NSD2: variants seen among roughly 807,000 people sequenced by gnomAD.
NSD2 encodes nuclear receptor binding SET domain protein 2, also known as histone-lysine N-methyltransferase NSD2.
NSD2 carries 12 observed loss-of-function variants against 139.0 expected under a neutral mutation model. The observed-to-expected ratio is 0.09, with a 90% CI of 0.06 to 0.14. The LOEUF is 0.14. Ranked by LOEUF, NSD2 falls within the 10% of genes least tolerant of loss-of-function variation. The probability of loss-of-function intolerance (pLI) is 1.00; values close to 1 mark genes in which losing one functional copy is unlikely to be tolerated. For missense variants in NSD2, 1,155 were observed against 1,745.0 expected (o/e 0.66, Z 6.02); for synonymous variants, 669 against 648.7 (o/e 1.03, Z -0.48).
chr4:1,908,012 C>T (rs576541366), intron 3 of NSD2, among the ~76,000 whole-genome samples: 3 of 152,180 alleles, frequency 2.0e-5, no homozygotes, highest in African/African-American at 4.8e-5. Context: ...AGCCGCATTT[C>T]GGGAAACATC....
Position 1,955,484 on chromosome 4 carries a change from A to G in NSD2, c.2518+144A>G. On this transcript the variant is annotated intron_variant, in intron 13 of 21. Transcript: ENST00000508803. This position sits in a 1 kb window ranked among gnomAD's most constrained non-coding sequence, Gnocchi z 4.7. Reference sequence around the variant, plus strand: ...CTTCACGTTAATAGTATATCACAGTAGCTCTAAATTAATTGTAATCATTTC... The same window carrying G: ...CTTCACGTTAATAGTATATCACAGTGGCTCTAAATTAATTGTAATCATTTC... 8.0e-7 allele frequency: 1 copy of G among 1,245,396 alleles called. No individual in the cohort carries two copies. Among genetic ancestry groups the G allele is most frequent in the South Asian group, 1.6e-5 (1 of 62,862 alleles). 77.1% of individuals were successfully genotyped at this position (1,245,396 alleles called of 1,614,324 possible).
chr4:1,898,682 A>G (rs1017957872), intron 1 of NSD2, among the ~76,000 whole-genome samples: 5 of 145,692 alleles, frequency 3.4e-5, no homozygotes, highest in African/African-American at 1.2e-4. Flanking sequence ...CAAAAAACAA[A>G]AAACACACTT....
chr4:1,965,569 C>A (rs1725800402), intron 18 of NSD2, among the ~76,000 whole-genome samples: 1 of 152,180 alleles, frequency 6.6e-6, no homozygotes. Context: ...GAAAAAGAAT[C>A]TTGAAAACCG....
rs886059325 is a variant in NSD2, at chr4:1,980,272, C to CT, written c.*1370dup. On this transcript the variant is annotated 3_prime_UTR_variant, in exon 22 of 22. Transcript: ENST00000508803. ...ACTACATATGTTTTAAGACTTGGTT[C>CT]TTTTTTTGAGGGATCCTTGACCCTG... 18 of 233,092 alleles carry CT rather than the reference C, an allele frequency of 7.7e-5. No homozygotes were observed. Among genetic ancestry groups the CT allele is most frequent in the South Asian group, 1.8e-4 (1 of 5,530 alleles). The allele number at this position is 233,092 out of a possible 1,614,324, so 14.4% of individuals were successfully genotyped here.
Position 1,976,620 on chromosome 4 carries a change from G to A in NSD2, c.3767G>A (p.Arg1256His), listed in dbSNP as rs901340615. 4.4e-6 allele frequency: 7 copies of A among 1,607,150 alleles called. No homozygotes were observed. The highest frequency in any genetic ancestry group is 1.7e-5 in the Admixed American group (1 of 58,876). Reference protein sequence around the residue: ...GDGGQLVLCDRKFCTKAYHLS... With the variant: ...GDGGQLVLCDHKFCTKAYHLS... ...GGCGGGCAGCTGGTGCTGTGTGACCGCAAGTTCTGCACCAAGGCCTACCAC... is the reference window on the plus strand; with the variant it reads ...GGCGGGCAGCTGGTGCTGTGTGACCACAAGTTCTGCACCAAGGCCTACCAC... Residue 1256 changes from arginine to histidine, a missense_variant, in exon 21 of 22, where the codon CGC (arginine) becomes CAC (histidine). Around this residue, in one of 8 missense-constraint regions of NSD2, gnomAD observed 25 missense variants for 75.1 expected, o/e 0.33. Transcript: ENST00000508803. The surrounding 1 kb of genome is among the most constrained non-coding windows in gnomAD (Gnocchi z 5.3).
At chr4:1,938,953 A>G (rs1272542100) in intron 8 of NSD2, among the ~76,000 whole-genome samples, 3 of 152,230 alleles carry the variant, frequency 2.0e-5, no homozygotes, top group Non-Finnish European at 2.9e-5. Flanking sequence ...TTCACATGCT[A>G]AAGAAACTAG....
At chr4:1,938,388 C>CTTTTTTTTTTTTTTTTTTTTTT in intron 7 of NSD2, 63 bp from the exon 8 acceptor site, 1 of 1,129,866 alleles carries the variant, frequency 8.9e-7, no homozygotes. Context: ...TTTTTTTTTC[C>CTTTTTTTTTTTTTTTTTTTTTT]TTTTTTTCTT....
intron 2 of NSD2, among the ~76,000 whole-genome samples, chr4:1,903,825 C>T (rs1434121559): frequency 2.6e-5 from 4 of 151,486 alleles, no homozygotes; most frequent in Admixed American, 1.3e-4. Flanking sequence ...AGCTCCGCCT[C>T]CCGGGTTCAC....
intron 9 of NSD2, chr4:1,945,179 G>A: frequency 9.4e-7 from 1 of 1,067,064 alleles, no homozygotes; most frequent in Non-Finnish European, 1.1e-6. Context: ...TCACACAGAA[G>A]CCTAGGTAGA....
intron 3 of NSD2, among the ~76,000 whole-genome samples, chr4:1,908,635 T>C (rs1364204471): frequency 6.6e-6 from 1 of 151,944 alleles, no homozygotes; most frequent in Non-Finnish European, 1.5e-5. Context: ...TCAGACCACA[T>C]CAGGAGGAGC....
At position 1,972,089 on chromosome 4, in the gene NSD2, T is replaced by C. The variant is rs1726548030; in HGVS notation, c.3373-2774T>C. ...GAGGCAAACAGTGTCTCTCGGAGAA[T>C]GTGACGGCTGTGTTTGGTGATGGCC... On this transcript the variant is annotated intron_variant, in intron 18 of 21. Transcript: ENST00000508803. This position sits in a 1 kb window ranked among gnomAD's most constrained non-coding sequence, Gnocchi z 4.0. Among the ~76,000 whole-genome samples the C allele has an allele frequency of 6.6e-6, 1 of 152,170 alleles. No individual in the cohort carries two copies. The highest frequency in any genetic ancestry group is 1.5e-5 in the Non-Finnish European group (1 of 68,030).
At chr4:1,944,921 G>T (rs1460911676) in intron 9 of NSD2, 9 of 1,063,222 alleles carry the variant, frequency 8.5e-6, no homozygotes, top group Non-Finnish European at 1.0e-5. Flanking sequence ...ACTAGAAACA[G>T]CTCCAGTGTT....
intron 10 of NSD2, among the ~76,000 whole-genome samples, chr4:1,951,505 CACACACACACACACACACAA>C (rs1476868611): frequency 8.5e-4 from 108 of 127,710 alleles, no homozygotes; most frequent in Non-Finnish European, 1.2e-3. Context: ...CACACACACA[CACACACACACACACACACAA>C]AGTTCCTGTT....
rs1188402934 is a variant in NSD2 at position 1,981,746 on chromosome 4, GACT to G, written c.*2840_*2842del. ...GGCGTGTGCAGTGCCCATCTTCCAGGACTACCTTATTTTCCAGAATTAAACCTG... is the reference window on the plus strand; with the variant it reads ...GGCGTGTGCAGTGCCCATCTTCCAGGACCTTATTTTCCAGAATTAAACCTG... On this transcript the variant is annotated 3_prime_UTR_variant, in exon 22 of 22. Coordinates refer to ENST00000508803, the MANE Select transcript of NSD2 (RefSeq NM_001042424.3). 29 of 397,218 alleles carry G rather than the reference GACT, an allele frequency of 7.3e-5. No homozygotes were observed. The highest frequency in any genetic ancestry group is 1.2e-4 in the Non-Finnish European group (26 of 225,648). 24.6% of individuals were successfully genotyped at this position (397,218 alleles called of 1,614,324 possible).
At chr4:1,946,240 G>C (rs956161460) in intron 9 of NSD2, 4 of 1,006,272 alleles carry the variant, frequency 4.0e-6, no homozygotes, top group Non-Finnish European at 3.6e-6. Flanking sequence ...TAAAATTTGG[G>C]GGGTCTTGCA....
chr4:1,930,931 A>T (rs1314037632), intron 6 of NSD2, among the ~76,000 whole-genome samples, 161 bp downstream of exon 6: 1 of 152,008 alleles, frequency 6.6e-6, no homozygotes, highest in African/African-American at 2.4e-5. Flanking sequence ...CACAGTAAAA[A>T]CAGCTTCTGC....
chr4:1,872,235 C>T (rs1713842403), intron 1 of NSD2, among the ~76,000 whole-genome samples: 1 of 152,082 alleles, frequency 6.6e-6, no homozygotes. Flanking sequence ...TGGGGGGCTG[C>T]GCGCCCTCGG....
chr4:1,897,194 G>A (rs1716466138), intron 1 of NSD2, among the ~76,000 whole-genome samples: 1 of 151,530 alleles, frequency 6.6e-6, no homozygotes. Flanking sequence ...AAAGGAAAGT[G>A]GTTTGGGCTG....
At chr4:1,908,307 G>A (rs1718208457) in intron 3 of NSD2, among the ~76,000 whole-genome samples, 1 of 152,254 alleles carries the variant, frequency 6.6e-6, no homozygotes, top group Admixed American at 6.5e-5. Flanking sequence ...TCTGTGTACA[G>A]AAGAAGGGAG....
Sources: allele counts gnomAD v4.1 joint callset (sites outside exome capture counted in the v4.1 genomes callset), GRCh38; gene constraint gnomAD v4.1.1; regional missense constraint gnomAD v4.1.1; non-coding constraint Gnocchi (gnomAD v3.1); transcripts MANE v1.5; gene names NCBI Gene and HGNC (gene_info 2026-07-23, HGNC 2026-07-21).